Variants in TMEM117 observed in about 807,000 individuals in gnomAD.
TMEM117 encodes the protein transmembrane protein 117.
TMEM117 carries 27 observed loss-of-function variants against 52.4 expected under a neutral mutation model. That is an observed-to-expected ratio of 0.51 (90% CI 0.38 to 0.71). The LOEUF is 0.71. TMEM117 is among the 30% of genes least tolerant of loss of function. TMEM117 has a pLI of 0.00. For synonymous variants in TMEM117, 215 were observed against 206.3 expected, an observed-to-expected ratio of 1.04 and a Z score of -0.36; for missense variants, 556 against 630.5, an observed-to-expected ratio of 0.88 and a Z score of 1.26.
At chr12:44,024,864 A>G (rs949517662) in intron 3 of TMEM117, among the ~76,000 whole-genome samples, 1 of 152,144 alleles carries the variant, frequency 6.6e-6, no homozygotes, top group Non-Finnish European at 1.5e-5. Flanking sequence ...GTTTGTATAT[A>G]TGTGTGTGCA....
At chr12:44,209,848 T>C (rs1018726641) in intron 4 of TMEM117, among the ~76,000 whole-genome samples, 9 of 152,132 alleles carry the variant, frequency 5.9e-5, no homozygotes, top group African/African-American at 1.9e-4. Context: ...ATGTGAAGCA[T>C]TGACATGCCG....
At chr12:44,309,169 A>T (rs753452376) in intron 6 of TMEM117, among the ~76,000 whole-genome samples, 56 of 152,210 alleles carry the variant, frequency 3.7e-4, no homozygotes, top group Non-Finnish European at 7.3e-4. Flanking sequence ...AAGTCATGAA[A>T]TTTTAGAGCA....
intron 1 of TMEM117, among the ~76,000 whole-genome samples, chr12:43,836,993 A>G (rs1943042467): frequency 6.6e-6 from 1 of 152,246 alleles, no homozygotes; most frequent in African/African-American, 2.4e-5. Flanking sequence ...GGCTTCAGAA[A>G]CAAGGTCTTC....
chr12:43,953,486 G>A (rs1446653673), intron 3 of TMEM117, among the ~76,000 whole-genome samples: 1 of 152,094 alleles, frequency 6.6e-6, no homozygotes, highest in African/African-American at 2.4e-5. Context: ...GCAGAAAATA[G>A]CAGGAGTTGC....
chr12:43,996,379 C>T (rs1946030066), intron 3 of TMEM117, among the ~76,000 whole-genome samples: 1 of 152,168 alleles, frequency 6.6e-6, no homozygotes, highest in Non-Finnish European at 1.5e-5. Context: ...GCCAGTGGCT[C>T]ACACCTGTAA....
intron 6 of TMEM117, among the ~76,000 whole-genome samples, chr12:44,303,134 C>T (rs1950862329): frequency 6.6e-6 from 1 of 151,916 alleles, no homozygotes; most frequent in Non-Finnish European, 1.5e-5. Flanking sequence ...ACCTCTGCCT[C>T]CTGGGTTCAA....
intron 5 of TMEM117, among the ~76,000 whole-genome samples, chr12:44,246,994 G>A (rs191981623): frequency 1.9e-4 from 29 of 152,268 alleles, no homozygotes; most frequent in African/African-American, 7.0e-4. Context: ...AGAAGTACAG[G>A]CAGAGAGGGG....
At chr12:44,320,337 A>G (rs560618845) in intron 6 of TMEM117, among the ~76,000 whole-genome samples, 11 of 152,302 alleles carry the variant, frequency 7.2e-5, no homozygotes, top group African/African-American at 2.6e-4. Flanking sequence ...TTTTGCCTAT[A>G]TTAGTACAAA....
chr12:44,388,183 G>T lies in TMEM117; in HGVS notation c.1056G>T (p.Leu352Phe), dbSNP rs924642433. 2 of 1,613,296 alleles carry T rather than the reference G, an allele frequency of 1.2e-6. No homozygotes were observed. The highest frequency in any genetic ancestry group is 1.7e-6 in the Non-Finnish European group (2 of 1,179,580). The change falls in exon 8 of 8, where the codon TTG (leucine) becomes TTT (phenylalanine). Residue 352 changes from leucine to phenylalanine, a missense_variant. Leu to Phe is a conservative substitution (Grantham distance 22, BLOSUM62 0). Transcript: ENST00000266534. ...AAGACTCAGAAAGTTTAAAAGATTT[G>T]AACAGAACCAAGCTATCCTGGGAAT... ...TVKDSESLKD[L>F]NRTKLSWEWR...
chr12:44,240,775 T>A (rs1250722972), intron 5 of TMEM117, among the ~76,000 whole-genome samples: 5 of 152,076 alleles, frequency 3.3e-5, no homozygotes, highest in African/African-American at 9.7e-5. Flanking sequence ...ACTTCCCTAT[T>A]AATACCAATT....
intron 3 of TMEM117, among the ~76,000 whole-genome samples, chr12:44,034,347 G>A (rs1343484583): frequency 6.6e-6 from 1 of 152,110 alleles, no homozygotes; most frequent in Non-Finnish European, 1.5e-5. Context: ...TCTATCCTCG[G>A]GTTCTTATGG....
chr12:44,136,410 C>T (rs1427684981), intron 3 of TMEM117, among the ~76,000 whole-genome samples: 1 of 152,072 alleles, frequency 6.6e-6, no homozygotes, highest in Non-Finnish European at 1.5e-5. Context: ...ATGAAAGAAA[C>T]TTGGGATATA....
intron 2 of TMEM117, among the ~76,000 whole-genome samples, chr12:43,916,491 T>C (rs1008355407): frequency 2.6e-4 from 39 of 152,332 alleles, no homozygotes; most frequent in African/African-American, 7.9e-4. Context: ...AAATATCATG[T>C]ATAAGCACAT....
rs552851294 is a variant in TMEM117, at chr12:44,239,338, T to C, written c.608+27951T>C. On this transcript the variant is annotated intron_variant, in intron 5 of 7. Coordinates refer to ENST00000266534, the MANE Select transcript of TMEM117 (RefSeq NM_032256.3). Reference sequence around the variant, plus strand: ...CATAACTCTTACTATTTGTTACTTTTTGGGAATGGTAATTCAACAAGCTAC... The same window carrying C: ...CATAACTCTTACTATTTGTTACTTTCTGGGAATGGTAATTCAACAAGCTAC... Among the ~76,000 whole-genome samples, 44 of 152,286 alleles carry C rather than the reference T, an allele frequency of 2.9e-4. No homozygotes were observed. The South Asian group carries it at 7.7e-3, about 27-fold the overall frequency.
At chr12:43,953,729 T>G (rs535657947) in intron 3 of TMEM117, among the ~76,000 whole-genome samples, 2 of 152,266 alleles carry the variant, frequency 1.3e-5, no homozygotes, top group East Asian at 3.9e-4. Context: ...CCACTGTCAG[T>G]ATTAGACAGA....
intron 3 of TMEM117, among the ~76,000 whole-genome samples, chr12:43,964,838 C>T (rs1945459325): frequency 1.3e-5 from 2 of 152,134 alleles, no homozygotes; most frequent in African/African-American, 2.4e-5. Flanking sequence ...CTAAATACTT[C>T]GAATGTCATC....
chr12:44,310,381 C>T (rs192913121), intron 6 of TMEM117, among the ~76,000 whole-genome samples: 3 of 152,282 alleles, frequency 2.0e-5, no homozygotes, highest in Admixed American at 6.5e-5. Context: ...GCTCACGCCT[C>T]TAATCCCAGC....
At chr12:43,889,594 C>T (rs1055886354) in intron 2 of TMEM117, among the ~76,000 whole-genome samples, 1 of 152,124 alleles carries the variant, frequency 6.6e-6, no homozygotes, top group African/African-American at 2.4e-5. Context: ...GGTTGGGGAC[C>T]CCAATGTAGA....
chr12:44,184,369 A>G (rs150374016), intron 4 of TMEM117, among the ~76,000 whole-genome samples: 1 of 152,262 alleles, frequency 6.6e-6, no homozygotes, highest in Non-Finnish European at 1.5e-5. Context: ...ATAAAAAAGT[A>G]GAGAAATTAG....
Sources: allele counts gnomAD v4.1 joint callset (sites outside exome capture counted in the v4.1 genomes callset), GRCh38; gene constraint gnomAD v4.1.1; transcripts MANE v1.5; gene names NCBI Gene and HGNC (gene_info 2026-07-23, HGNC 2026-07-21).